TSC22D3: variants seen among roughly 807,000 people sequenced by gnomAD.
TSC22D3 encodes the protein TSC22 domain family member 3, also known as TSC22 domain family protein 3.
A neutral mutation model predicts 11.1 loss-of-function variants in TSC22D3; 4 were observed. That is an observed-to-expected ratio of 0.36 (90% CI 0.18 to 0.83). The LOEUF is 0.83. TSC22D3 is among the 40% of genes least tolerant of loss of function. TSC22D3 has a pLI of 0.48. For synonymous variants in TSC22D3, 77 were observed against 70.3 expected (o/e 1.10, Z -0.48); for missense variants, 118 against 159.4 (o/e 0.74, Z 1.40).
Position 107,721,237 on chromosome X carries a change from A to G in TSC22D3, c.321-5287T>C, listed in dbSNP as rs896247125. Reference sequence around the variant, plus strand: ...GGACAGGGCCAATTCCCTTCATTTCAGGAGGCTTTGGAAACCAGCATATTC... The same window carrying G: ...GGACAGGGCCAATTCCCTTCATTTCGGGAGGCTTTGGAAACCAGCATATTC... On this transcript the variant is annotated intron_variant, in intron 1 of 2. Coordinates refer to ENST00000372383, the MANE Select transcript of TSC22D3 (RefSeq NM_198057.3). 4.5e-5 allele frequency among the ~76,000 whole-genome samples: 5 copies of G among 112,051 alleles called. No individual in the cohort carries two copies. The Admixed American group carries it at 4.7e-4, about 11-fold the overall frequency.
At chrX:107,715,549 G>T (rs113845955) in intron 2 of TSC22D3, among the ~76,000 whole-genome samples, 2,885 of 112,372 alleles carry the variant, frequency 0.026, 42 homozygotes, top group Non-Finnish European at 0.04. Flanking sequence ...AGGCACTGCA[G>T]TGCTGTTGCA....
intron 1 of TSC22D3, among the ~76,000 whole-genome samples, chrX:107,767,405 G>A (rs1448072525): frequency 9.0e-5 from 10 of 111,008 alleles, no homozygotes; most frequent in Non-Finnish European, 1.9e-5. Context: ...TCTGCACAAT[G>A]GGAAGCTTCC....
intron 1 of TSC22D3, among the ~76,000 whole-genome samples, chrX:107,759,813 C>G (rs1485521116): frequency 8.9e-6 from 1 of 112,767 alleles, no homozygotes; most frequent in African/African-American, 3.2e-5. Flanking sequence ...CTGTAGCTGC[C>G]GGGCTAGGGT....
intron 1 of TSC22D3, among the ~76,000 whole-genome samples, chrX:107,746,521 T>C (rs1022687378): frequency 2.7e-5 from 3 of 110,670 alleles, no homozygotes; most frequent in Non-Finnish European, 5.7e-5. Context: ...TACTTCCATA[T>C]ACAGGATTTG....
At chrX:107,744,439 C>G (rs1164957667) in intron 1 of TSC22D3, among the ~76,000 whole-genome samples, 1 of 110,506 alleles carries the variant, frequency 9.0e-6, no homozygotes, top group African/African-American at 3.3e-5. Flanking sequence ...CGAGACCATG[C>G]CACTGCACTC....
intron 1 of TSC22D3, among the ~76,000 whole-genome samples, chrX:107,723,508 C>T (rs961250516): frequency 1.8e-5 from 2 of 112,546 alleles, no homozygotes; most frequent in African/African-American, 6.5e-5. Flanking sequence ...TACAGACCAA[C>T]AAGCATCTTC....
At chrX:107,735,739 C>A (rs1021378403) in intron 1 of TSC22D3, among the ~76,000 whole-genome samples, 1 of 108,173 alleles carries the variant, frequency 9.2e-6, no homozygotes, top group African/African-American at 3.4e-5. Flanking sequence ...CCCCAGCTGA[C>A]TATTGCTCTC....
At chrX:107,716,286 C>A in intron 1 of TSC22D3, 1 of 930,936 alleles carries the variant, frequency 1.1e-6, no homozygotes, top group Non-Finnish European at 1.3e-6. Flanking sequence ...TCCCCCACAG[C>A]CGGCCTACAA....
At chrX:107,719,092 G>A (rs934573063) in intron 1 of TSC22D3, among the ~76,000 whole-genome samples, 5 of 111,577 alleles carry the variant, frequency 4.5e-5, no homozygotes, top group Non-Finnish European at 9.4e-5. Flanking sequence ...CCCCTCCCCC[G>A]AAGATTCCAA....
intron 1 of TSC22D3, among the ~76,000 whole-genome samples, chrX:107,766,458 C>G (rs1162695972): frequency 1.0e-5 from 1 of 96,348 alleles, no homozygotes; most frequent in Non-Finnish European, 2.1e-5. Flanking sequence ...TTCCGCCCCC[C>G]CCCCAACAAC....
chrX:107,727,724 G>T (rs976413505), intron 1 of TSC22D3, among the ~76,000 whole-genome samples: 2 of 112,019 alleles, frequency 1.8e-5, no homozygotes, highest in Non-Finnish European at 3.8e-5. Flanking sequence ...TTTCAAATTC[G>T]TCTTTCTAAC....
chrX:107,765,969 C>G (rs1185379825), intron 1 of TSC22D3, among the ~76,000 whole-genome samples: 1 of 112,079 alleles, frequency 8.9e-6, no homozygotes, highest in Non-Finnish European at 1.9e-5. Context: ...AATTCCCACA[C>G]CACCTTTTTG....
At chrX:107,759,487 G>A (rs184042596) in intron 1 of TSC22D3, among the ~76,000 whole-genome samples, 16 of 112,275 alleles carry the variant, frequency 1.4e-4, no homozygotes, top group Admixed American at 1.4e-3. Context: ...AAGGGCAGGA[G>A]TTACTTACTC....
chrX:107,761,125 G>C (rs1297317718), intron 1 of TSC22D3, among the ~76,000 whole-genome samples: 1 of 112,537 alleles, frequency 8.9e-6, no homozygotes, highest in Non-Finnish European at 1.9e-5. Context: ...CCAATTTCTA[G>C]TGGTGGAAAC....
chrX:107,718,219 T>C (rs1316999032), intron 1 of TSC22D3, among the ~76,000 whole-genome samples: 1 of 112,553 alleles, frequency 8.9e-6, no homozygotes, highest in Non-Finnish European at 1.9e-5. Context: ...TGAGGTCCTT[T>C]TCTTCTGCTC....
intron 1 of TSC22D3, among the ~76,000 whole-genome samples, chrX:107,765,299 A>C (rs1419024327): frequency 8.9e-6 from 1 of 112,050 alleles, no homozygotes; most frequent in Non-Finnish European, 1.9e-5. Flanking sequence ...AGTAAGCTTA[A>C]GGCCTTTCCC....
Position 107,742,260 on chromosome X carries a change from TGAGA to T in TSC22D3, c.321-26314_321-26311del, listed in dbSNP as rs1232034872. Among the ~76,000 whole-genome samples, 492 of 77,991 alleles carry T rather than the reference TGAGA, an allele frequency of 6.3e-3. 5 individuals are homozygous for T. The highest frequency in any genetic ancestry group is 0.028 in the African/African-American group (468 of 16,811). 67.7% of individuals were successfully genotyped at this position (77,991 alleles called of 115,157 possible). A position where few individuals can be genotyped will look rare whatever the true frequency, so the allele number is the denominator to read the frequency against. Reference sequence around the variant, plus strand: ...GCATATACTTTCAGGCACATGTATTTGAGAGAGAGAGAGAGAGAGAAAGAGAGAG... The same window carrying T: ...GCATATACTTTCAGGCACATGTATTTGAGAGAGAGAGAGAGAAAGAGAGAG... On this transcript the variant is annotated intron_variant, in intron 1 of 2. Transcript: ENST00000372383.
In TSC22D3 at chrX:107,725,560, C is replaced by T. The variant is rs1004213679; in HGVS notation, c.321-9610G>A. Among the ~76,000 whole-genome samples the T allele has an allele frequency of 1.3e-4, 15 of 112,058 alleles. No individual in the cohort carries two copies. In the Admixed American group the frequency reaches 1.4e-3, roughly 11 times the overall value. ...GGGCACTGAGACCCATTTCGTGTGA[C>T]ACATTCGGACGAGGCTTGGCATATT... On this transcript the variant is annotated intron_variant, in intron 1 of 2. Transcript: ENST00000372383.
Position 107,714,528 on chromosome X carries a change from A to G in TSC22D3, c.594T>C (p.Ser198=). The stretch of plus-strand genomic sequence containing the variant: ...CTGAGGACAGAGCCACTTACACCGC[A>G]GAACCACCAGGGGCCTCGGGCACTT... ...SPQVPEAPGG[S]AV Residue 198 remains serine (S), a synonymous_variant, in exon 3 of 3, where the codon TCT becomes TCC. Coordinates refer to ENST00000372383, the MANE Select transcript of TSC22D3 (RefSeq NM_198057.3). 8.3e-7 allele frequency: 1 copy of G among 1,211,041 alleles called. No individual in the cohort carries two copies. Among genetic ancestry groups the G allele is most frequent in the Non-Finnish European group, 1.1e-6 (1 of 894,863 alleles).
Sources: gnomAD v4.1 joint callset for allele counts (sites outside exome capture counted in the v4.1 genomes callset) on GRCh38, gnomAD v4.1.1 for gene constraint, MANE v1.5 for transcripts, NCBI Gene and HGNC (gene_info 2026-07-23, HGNC 2026-07-21) for gene names.